Variants in PCDH19 observed in about 807,000 individuals in gnomAD.
PCDH19 encodes the protein protocadherin 19, also known as protocadherin-19.
PCDH19 carries 6 observed loss-of-function variants against 46.2 expected under a neutral mutation model. The ratio of observed to expected loss-of-function variants is 0.13; its 90% CI spans 0.07 to 0.26. The LOEUF is 0.26. PCDH19 is among the 10% of genes least tolerant of loss of function. The pLI is 1.00. For missense variants in PCDH19, 740 were observed against 972.3 expected (o/e 0.76, Z 3.18); for synonymous variants, 481 against 415.7 (o/e 1.16, Z -1.91).
At chrX:100,364,543 G>C (rs1307879084) in intron 3 of PCDH19, among the ~76,000 whole-genome samples, 1 of 111,002 alleles carries the variant, frequency 9.0e-6, no homozygotes, top group Non-Finnish European at 1.9e-5. Context: ...TTGTCACCCA[G>C]GATTCGCCGG....
Position 100,408,364 on chromosome X carries a change from A to G in PCDH19, c.234T>C (p.Ser78=), listed in dbSNP as rs907701836. The change falls in exon 1 of 6, where the codon TCT becomes TCC. Residue 78 remains serine, a synonymous_variant. Transcript: ENST00000373034. The stretch of plus-strand genomic sequence containing the variant: ...TCTTCTGCTTGGTGACCAGCAGGCC[A>G]GAGCTGGGATTGATGTCCACTAGGT... The part of the protein sequence containing the change: ...APHLVDINPS[S]GLLVTKQKID... 5 of 1,208,082 alleles carry G rather than the reference A, an allele frequency of 4.1e-6. No homozygotes were observed. In the African/African-American group the frequency reaches 8.8e-5, roughly 21 times the overall value.
chrX:100,393,456 C>T (rs931281078), intron 3 of PCDH19, among the ~76,000 whole-genome samples: 20 of 103,317 alleles, frequency 1.9e-4, no homozygotes, highest in Non-Finnish European at 3.7e-4. Flanking sequence ...TTCTCTCTCT[C>T]CTTTCCCCCT....
intron 5 of PCDH19, among the ~76,000 whole-genome samples, chrX:100,303,668 A>G (rs1236891765): frequency 8.9e-6 from 1 of 112,361 alleles, no homozygotes; most frequent in Admixed American, 9.4e-5. Context: ...TAGTCACTCT[A>G]TGTGACAAGA....
At chrX:100,317,608 A>C (rs886869709) in intron 5 of PCDH19, among the ~76,000 whole-genome samples, 2 of 110,326 alleles carry the variant, frequency 1.8e-5, no homozygotes, top group Admixed American at 9.7e-5. Context: ...AAAAAAAAAA[A>C]AAAACCTACT....
At chrX:100,359,759 TAATA>T (rs1926823825) in intron 3 of PCDH19, among the ~76,000 whole-genome samples, 1 of 107,010 alleles carries the variant, frequency 9.3e-6, no homozygotes, top group East Asian at 3.1e-4. Context: ...TACATATACA[TAATA>T]TATATACATA....
In PCDH19 at chrX:100,408,713, G is replaced by A. The variant is rs1928492874; in HGVS notation, c.-116C>T. On this transcript the variant is annotated 5_prime_UTR_variant, in exon 1 of 6. Transcript: ENST00000373034. ...CTGTTGCGCGCGCCCCGTGGCCCCG[G>A]AGGCCGCGGGAGAAGTCCCGCCCAG... 1.6e-6 allele frequency: 1 copy of A among 610,510 alleles called. No homozygotes were observed. The highest frequency in any genetic ancestry group is 2.4e-6 in the Non-Finnish European group (1 of 411,008). The allele number at this position is 610,510 out of a possible 1,213,427, so 50.3% of individuals were successfully genotyped here.
intron 4 of PCDH19, among the ~76,000 whole-genome samples, chrX:100,349,647 C>T (rs5966696): frequency 0.022 from 2,436 of 112,376 alleles, 63 homozygotes; most frequent in African/African-American, 0.075. Context: ...TCTGCTACAG[C>T]TCTAACATAC....
rs768773158 is a variant in PCDH19, at chrX:100,300,680, T to C, written c.2849-3805A>G. Among the ~76,000 whole-genome samples the C allele has an allele frequency of 3.6e-5, 4 of 111,557 alleles. No homozygotes were observed. The South Asian group carries it at 1.5e-3, about 42-fold the overall frequency. The stretch of plus-strand genomic sequence containing the variant: ...AATTTGTAAATTGGTTTTCCCTGCT[T>C]CTGAAGTTGTCCCTAGGATTTGCAA... On this transcript the variant is annotated intron_variant, in intron 5 of 5. Transcript: ENST00000373034.
chrX:100,322,892 G>C (rs1925565065), intron 5 of PCDH19, among the ~76,000 whole-genome samples: 1 of 80,232 alleles, frequency 1.2e-5, no homozygotes, highest in Non-Finnish European at 2.3e-5. Flanking sequence ...AAAAGGGGTT[G>C]AGTTCTTGAT....
intron 3 of PCDH19, among the ~76,000 whole-genome samples, chrX:100,400,454 C>T (rs1928145341): frequency 8.9e-6 from 1 of 112,248 alleles, no homozygotes. Flanking sequence ...TGTTCCACAG[C>T]AAGCAGTGAT....
chrX:100,317,369 T>C (rs1925341242), intron 5 of PCDH19, among the ~76,000 whole-genome samples: 1 of 111,780 alleles, frequency 8.9e-6, no homozygotes, highest in Admixed American at 9.5e-5. Context: ...AAAGAACAAA[T>C]GAATGCATTA....
intron 5 of PCDH19, among the ~76,000 whole-genome samples, chrX:100,318,973 A>T (rs1204803447): frequency 1.1e-4 from 11 of 101,586 alleles, no homozygotes; most frequent in Non-Finnish European, 2.0e-4. Context: ...GTTGCAGTAG[A>T]TCTCATCATT....
chrX:100,353,158 C>A (rs1466178684), intron 3 of PCDH19, among the ~76,000 whole-genome samples: 1 of 111,777 alleles, frequency 8.9e-6, no homozygotes, highest in Non-Finnish European at 1.9e-5. Flanking sequence ...GGAATTTGAC[C>A]TCATTCAGGC....
At chrX:100,318,475 G>GGA (rs1340758255) in intron 5 of PCDH19, among the ~76,000 whole-genome samples, 1 of 112,089 alleles carries the variant, frequency 8.9e-6, no homozygotes, top group Non-Finnish European at 1.9e-5. Flanking sequence ...ACTATTGGTG[G>GGA]GATATAAAGG....
At chrX:100,300,024 A>G (rs1924728392) in intron 5 of PCDH19, among the ~76,000 whole-genome samples, 1 of 112,288 alleles carries the variant, frequency 8.9e-6, no homozygotes, top group South Asian at 3.7e-4. Flanking sequence ...TACAGTTACA[A>G]TGAAGTCTAA....
chrX:100,387,431 G>T (rs1045672898), intron 3 of PCDH19, among the ~76,000 whole-genome samples: 2 of 111,481 alleles, frequency 1.8e-5, no homozygotes, highest in African/African-American at 6.5e-5. Context: ...CTATCATGTT[G>T]AAACAGGATG....
chrX:100,349,598 G>C (rs1342530118), intron 4 of PCDH19, among the ~76,000 whole-genome samples: 1 of 111,968 alleles, frequency 8.9e-6, no homozygotes, highest in Non-Finnish European at 1.9e-5. Flanking sequence ...TAAATTTATG[G>C]GATTAGAGCC....
chrX:100,395,218 G>T (rs1927994012), intron 3 of PCDH19, among the ~76,000 whole-genome samples: 1 of 112,420 alleles, frequency 8.9e-6, no homozygotes. Context: ...AACAAGATAT[G>T]TGAAAATCCA....
chrX:100,386,334 A>G (rs1229785576), intron 3 of PCDH19, among the ~76,000 whole-genome samples: 3 of 111,635 alleles, frequency 2.7e-5, no homozygotes, highest in African/African-American at 9.8e-5. Flanking sequence ...TCGTGTGCTT[A>G]GTAGGGCTCT....
Sources: allele counts gnomAD v4.1 joint callset (sites outside exome capture counted in the v4.1 genomes callset), GRCh38; gene constraint gnomAD v4.1.1; transcripts MANE v1.5; gene names NCBI Gene and HGNC (gene_info 2026-07-23, HGNC 2026-07-21).